The following SGCZ variants were observed in gnomAD, a reference collection of about 807,000 sequenced individuals.
The protein encoded by SGCZ is sarcoglycan zeta.
Under a neutral mutation model 41.3 loss-of-function variants are expected in SGCZ, and 40 were observed. The ratio of observed to expected loss-of-function variants is 0.97; its 90% CI spans 0.75 to 1.26. SGCZ has a LOEUF of 1.26. Ranked by LOEUF, SGCZ falls within the 50% of genes most tolerant of loss-of-function variation. The pLI is 0.00. For synonymous variants in SGCZ, 206 were observed against 137.5 expected (o/e 1.50, Z -3.49); for missense variants, 552 against 369.8 (o/e 1.49, Z -4.04).
chr8:14,277,793 C>T (rs1184797052), intron 3 of SGCZ, among the ~76,000 whole-genome samples: 1 of 152,046 alleles, frequency 6.6e-6, no homozygotes, highest in Non-Finnish European at 1.5e-5. Flanking sequence ...TCTGGAATCT[C>T]CTTATCTGAG....
chr8:14,639,645 A>G (rs12176636), intron 1 of SGCZ, among the ~76,000 whole-genome samples: 43,616 of 151,574 alleles, frequency 0.29, 7,413 homozygotes, highest in East Asian at 0.63. Context: ...AAAATTACTT[A>G]TTATCCAAAA....
At chr8:15,185,002 T>C (rs940674130) in intron 1 of SGCZ, among the ~76,000 whole-genome samples, 1 of 152,134 alleles carries the variant, frequency 6.6e-6, no homozygotes, top group African/African-American at 2.4e-5. Context: ...ACCTCAAGGC[T>C]CTCTTCATCT....
chr8:15,141,600 C>CTTTG (rs1212941553), intron 1 of SGCZ, among the ~76,000 whole-genome samples: 1 of 152,102 alleles, frequency 6.6e-6, no homozygotes, highest in African/African-American at 2.4e-5. Flanking sequence ...CCCAAGAAGG[C>CTTTG]TTTGACTAAA....
chr8:14,382,346 G>A (rs370080622), intron 2 of SGCZ, among the ~76,000 whole-genome samples: 2 of 151,846 alleles, frequency 1.3e-5, no homozygotes, highest in Non-Finnish European at 2.9e-5. Context: ...AAGCCTGTGG[G>A]AATGAACTCA....
At chr8:14,326,111 CAAAAAA>C (rs56152915) in intron 2 of SGCZ, among the ~76,000 whole-genome samples, 3 of 37,904 alleles carry the variant, frequency 7.9e-5, no homozygotes, top group Non-Finnish European at 1.3e-4. Context: ...GACTCCGTCT[CAAAAAA>C]AAAAAAAAAA....
chr8:14,490,172 C>G (rs1450888174), intron 2 of SGCZ, among the ~76,000 whole-genome samples: 1 of 152,036 alleles, frequency 6.6e-6, no homozygotes, highest in Admixed American at 6.6e-5. Context: ...GGCCAACTCT[C>G]CTGCCTTTTA....
At chr8:14,741,526 A>G (rs1168353485) in intron 1 of SGCZ, among the ~76,000 whole-genome samples, 1 of 152,088 alleles carries the variant, frequency 6.6e-6, no homozygotes, top group Non-Finnish European at 1.5e-5. Context: ...TATAACATTT[A>G]TGGTAATAAA....
At chr8:14,153,919 TCTCTCACA>T (rs1283353468) in intron 5 of SGCZ, among the ~76,000 whole-genome samples, 1 of 107,720 alleles carries the variant, frequency 9.3e-6, no homozygotes, top group South Asian at 3.0e-4. Flanking sequence ...TCTCTCTCTC[TCTCTCACA>T]CACACACACA....
intron 1 of SGCZ, among the ~76,000 whole-genome samples, chr8:14,628,360 C>T (rs1001913816): frequency 6.6e-6 from 1 of 151,960 alleles, no homozygotes; most frequent in Admixed American, 6.6e-5. Context: ...TCCCTCTAAT[C>T]GGATTAGAGC....
chr8:14,389,634 C>G (rs564439264), intron 2 of SGCZ, among the ~76,000 whole-genome samples: 2 of 151,920 alleles, frequency 1.3e-5, no homozygotes, highest in African/African-American at 2.4e-5. Flanking sequence ...TCTTTATAGA[C>G]TCTTGTAGAA....
chr8:14,958,569 G>C (rs952834669), intron 1 of SGCZ, among the ~76,000 whole-genome samples: 3 of 151,920 alleles, frequency 2.0e-5, no homozygotes, highest in Non-Finnish European at 2.9e-5. Context: ...TGTGGAGGTG[G>C]AAACTGACTA....
intron 1 of SGCZ, among the ~76,000 whole-genome samples, chr8:14,994,597 AAAG>A (rs1213898657): frequency 2.9e-4 from 44 of 151,750 alleles, no homozygotes; most frequent in East Asian, 1.6e-3. Context: ...AAAAAAAAAA[AAAG>A]AAGAAGAAAG....
At chr8:14,209,562 T>C (rs1363901257) in intron 4 of SGCZ, among the ~76,000 whole-genome samples, 2 of 152,180 alleles carry the variant, frequency 1.3e-5, no homozygotes, top group African/African-American at 4.8e-5. Context: ...ATGGAATATA[T>C]GGGAATATTT....
chr8:14,301,371 A>G (rs950744618), intron 3 of SGCZ, among the ~76,000 whole-genome samples: 4 of 136,094 alleles, frequency 2.9e-5, no homozygotes, highest in Non-Finnish European at 5.2e-5. Context: ...GATTCAAATC[A>G]CAAAAAAAAA....
chr8:14,643,439 C>T (rs1807092094), intron 1 of SGCZ, among the ~76,000 whole-genome samples: 1 of 150,764 alleles, frequency 6.6e-6, no homozygotes, highest in Non-Finnish European at 1.5e-5. Context: ...TATTTTGTTC[C>T]TAAAATTGAG....
intron 2 of SGCZ, among the ~76,000 whole-genome samples, chr8:14,458,896 C>G (rs529307451): frequency 6.6e-6 from 1 of 151,944 alleles, no homozygotes; most frequent in Non-Finnish European, 1.5e-5. Flanking sequence ...AGTTGCTGAT[C>G]GAGACCTAGG....
chr8:14,334,541 CTTCA>C (rs1178095778), intron 2 of SGCZ, among the ~76,000 whole-genome samples: 1 of 152,030 alleles, frequency 6.6e-6, no homozygotes, highest in Admixed American at 6.6e-5. Context: ...CCCTAATAGT[CTTCA>C]TTATTAGTTT....
rs1799111057 is a variant in SGCZ, at chr8:14,738,452, A to C, written c.40-183526T>G. Among the ~76,000 whole-genome samples, 3 of 152,136 alleles carry C rather than the reference A, an allele frequency of 2.0e-5. No individual in the cohort carries two copies. The South Asian group carries it at 6.2e-4, about 31-fold the overall frequency. ...CTAGCTAGACCCAACTGATTAAAAAAAGTTTTTAATTTTTCTTCCCCCAGT... is the reference window on the plus strand; with the variant it reads ...CTAGCTAGACCCAACTGATTAAAAACAGTTTTTAATTTTTCTTCCCCCAGT... On this transcript the variant is annotated intron_variant, in intron 1 of 7. Coordinates refer to ENST00000382080, the MANE Select transcript of SGCZ (RefSeq NM_139167.4).
chr8:14,703,007 T>C (rs548289749), intron 1 of SGCZ, among the ~76,000 whole-genome samples: 1 of 151,884 alleles, frequency 6.6e-6, no homozygotes, highest in African/African-American at 2.4e-5. Context: ...ATTTGAACAA[T>C]TCTTACCTCC....
Sources: gnomAD v4.1 joint callset for allele counts (sites outside exome capture counted in the v4.1 genomes callset) on GRCh38, gnomAD v4.1.1 for gene constraint, MANE v1.5 for transcripts, NCBI Gene and HGNC (gene_info 2026-07-23, HGNC 2026-07-21) for gene names.